The following STRN3 variants were observed in gnomAD, a reference collection of about 807,000 sequenced individuals.
The protein encoded by STRN3 is striatin-3.
STRN3 carries 29 observed loss-of-function variants against 95.6 expected under a neutral mutation model. The ratio of observed to expected loss-of-function variants is 0.30; its 90% confidence interval spans 0.23 to 0.41. The LOEUF (loss-of-function observed/expected upper bound fraction) is 0.41. STRN3 is among the 10% of genes least tolerant of loss of function. The probability of loss-of-function intolerance (pLI) is 1.00; values close to 1 mark genes in which losing one functional copy is unlikely to be tolerated. For synonymous variants in STRN3, 331 were observed against 357.6 expected, an observed-to-expected ratio of 0.93 and a Z score of 0.84; for missense variants, 890 against 972.1, an observed-to-expected ratio of 0.92 and a Z score of 1.12.
intron 16 of STRN3, among the ~76,000 whole-genome samples, chr14:30,901,454 C>T (rs1042585822): frequency 6.6e-6 from 1 of 152,236 alleles, no homozygotes; most frequent in Non-Finnish European, 1.5e-5. Flanking sequence ...CAGACTAAAA[C>T]ATATTGCCAT....
At position 31,026,087 on chromosome 14, in the gene STRN3, C is replaced by T; in HGVS notation, c.99G>A (p.Gly33=). ...CCCCGCCGCCCGCCGCTCCGTTCCCCCCGGGCGAAAGGCCCAGGTTCCCCC... is the reference window on the plus strand; with the variant it reads ...CCCCGCCGCCCGCCGCTCCGTTCCCTCCGGGCGAAAGGCCCAGGTTCCCCC... ...GPGGNLGLSP[G]GNGAAGGGGP... The change falls in exon 1 of 18, where the codon GGG becomes GGA. Residue 33 remains glycine, a synonymous_variant. Transcript: ENST00000357479. The T allele has an allele frequency of 6.5e-7, 1 of 1,529,412 alleles. No individual in the cohort carries two copies. The highest frequency in any genetic ancestry group is 8.8e-7 in the Non-Finnish European group (1 of 1,138,840). The allele number at this position is 1,529,412 out of a possible 1,614,324, so 94.7% of individuals were successfully genotyped here. A position where few individuals can be genotyped will look rare whatever the true frequency, so the allele number is the denominator to read the frequency against.
chr14:30,992,567 A>T (rs1232953245), intron 1 of STRN3, among the ~76,000 whole-genome samples: 1 of 356 alleles, frequency 2.8e-3, no homozygotes, highest in African/African-American at 0.016. Flanking sequence ...TGTCTCTTTA[A>T]AAAAAAAAAA....
intron 3 of STRN3, among the ~76,000 whole-genome samples, chr14:30,954,710 T>C (rs1418742355): frequency 2.0e-5 from 3 of 152,148 alleles, no homozygotes; most frequent in South Asian, 2.1e-4. Flanking sequence ...ACAATTTCAG[T>C]TGTGAGCAAA....
chr14:30,939,980 C>CT (rs1417651041), intron 5 of STRN3, among the ~76,000 whole-genome samples: 1 of 151,718 alleles, frequency 6.6e-6, no homozygotes, highest in African/African-American at 2.4e-5. Flanking sequence ...TACAATGACT[C>CT]TACTTCCTTT....
Position 30,970,346 on chromosome 14 carries a change from C to T in STRN3, c.283-14104G>A, listed in dbSNP as rs181120270. Reference sequence around the variant, plus strand: ...GGCCCCCCGATGTAGAGCTTTTATGCCGTAGTTGGTCCAACGTTCTGTGGA... The same window carrying T: ...GGCCCCCCGATGTAGAGCTTTTATGTCGTAGTTGGTCCAACGTTCTGTGGA... On this transcript the variant is annotated intron_variant, in intron 1 of 17. Transcript: ENST00000357479. Among the ~76,000 whole-genome samples the T allele has an allele frequency of 1.8e-4, 28 of 152,282 alleles. No individual in the cohort carries two copies. In the East Asian group the frequency reaches 5.4e-3, roughly 29 times the overall value.
At chr14:30,987,246 G>A (rs1214605681) in intron 1 of STRN3, among the ~76,000 whole-genome samples, 4 of 152,174 alleles carry the variant, frequency 2.6e-5, no homozygotes, top group Admixed American at 6.5e-5. Context: ...AGTGGCTCAC[G>A]CCTGTAATCC....
At chr14:30,968,809 GTAAT>G (rs1566464858) in intron 1 of STRN3, among the ~76,000 whole-genome samples, 1 of 151,972 alleles carries the variant, frequency 6.6e-6, no homozygotes, top group African/African-American at 2.4e-5. Flanking sequence ...TAATTTAAAA[GTAAT>G]TAAGCCTCCT....
intron 1 of STRN3, among the ~76,000 whole-genome samples, chr14:31,013,582 C>T (rs538038780): frequency 6.6e-6 from 1 of 151,944 alleles, no homozygotes; most frequent in South Asian, 2.1e-4. Flanking sequence ...TAATTTTGAA[C>T]CACATATTAC....
chr14:31,003,637 G>A (rs1238739547), intron 1 of STRN3, among the ~76,000 whole-genome samples: 2 of 152,114 alleles, frequency 1.3e-5, no homozygotes, highest in East Asian at 3.8e-4. Flanking sequence ...AGTGGAAGCA[G>A]ACTGAAGCCC....
chr14:30,951,571 T>C (rs1038369191), intron 3 of STRN3, among the ~76,000 whole-genome samples: 12 of 152,150 alleles, frequency 7.9e-5, no homozygotes, highest in Non-Finnish European at 1.3e-4. Context: ...GCTAAGTCGA[T>C]TGCCTTTGAA....
intron 8 of STRN3, among the ~76,000 whole-genome samples, chr14:30,927,451 A>G (rs1878238830): frequency 6.6e-6 from 1 of 152,106 alleles, no homozygotes; most frequent in African/African-American, 2.4e-5. Context: ...CCTCAAAAAG[A>G]TATAGGTCTA....
At chr14:30,904,787 T>A (rs1209622900) in intron 15 of STRN3, among the ~76,000 whole-genome samples, 3 of 152,078 alleles carry the variant, frequency 2.0e-5, no homozygotes, top group East Asian at 1.9e-4. Context: ...CATTTAAAAA[T>A]TTTTAAAAGA....
chr14:31,011,729 C>A (rs927943566), intron 1 of STRN3, among the ~76,000 whole-genome samples: 2 of 152,154 alleles, frequency 1.3e-5, no homozygotes, highest in African/African-American at 2.4e-5. Context: ...TAGAAAGATT[C>A]ATAAAAACAG....
chr14:30,894,240 A>G lies in STRN3; in HGVS notation c.*1171T>C, dbSNP rs1355945345. ...TAATGCAAATAAAACTTTACTCCAA[A>G]TATTTTTAAACAAGTTAGTTTTGTT... On this transcript the variant is annotated 3_prime_UTR_variant, in exon 18 of 18. Coordinates refer to ENST00000357479, the MANE Select transcript of STRN3 (RefSeq NM_001083893.2). 6.6e-6 allele frequency: 1 copy of G among 152,340 alleles called. No homozygotes were observed. The highest frequency in any genetic ancestry group is 1.9e-4 in the East Asian group (1 of 5,204). 9.4% of individuals were successfully genotyped at this position (152,340 alleles called of 1,614,324 possible).
chr14:30,931,515 T>C (rs747570308), intron 7 of STRN3, among the ~76,000 whole-genome samples: 1 of 152,224 alleles, frequency 6.6e-6, no homozygotes, highest in Non-Finnish European at 1.5e-5. Flanking sequence ...CTATTAACTG[T>C]AGCATAAATT....
intron 1 of STRN3, among the ~76,000 whole-genome samples, chr14:30,968,356 T>C (rs957209384): frequency 2.7e-5 from 4 of 146,130 alleles, no homozygotes; most frequent in African/African-American, 1.0e-4. Context: ...TATGGTAAAT[T>C]CTTGTCCTAA....
rs150320361 is a variant in STRN3 at position 30,898,776 on chromosome 14, G to A, written c.2138-3028C>T. The stretch of plus-strand genomic sequence containing the variant: ...CTAATTTTTTCCTCTTATGACTAAG[G>A]AAATAAAGGCTGGACAGATGCCACT... On this transcript the variant is annotated intron_variant, in intron 16 of 17. Coordinates refer to ENST00000357479, the MANE Select transcript of STRN3 (RefSeq NM_001083893.2). Among the ~76,000 whole-genome samples the A allele has an allele frequency of 3.1e-3, 471 of 152,238 alleles. 2 individuals carry two copies. The highest frequency in any genetic ancestry group is 0.011 in the African/African-American group (446 of 41,510).
chr14:30,969,864 T>C (rs1045176069), intron 1 of STRN3, among the ~76,000 whole-genome samples: 90 of 151,994 alleles, frequency 5.9e-4, no homozygotes, highest in African/African-American at 2.0e-3. Context: ...CACCTTCTCA[T>C]CAAAGAGTGG....
chr14:31,025,747 G>A (rs1206559257), intron 1 of STRN3, 157 bp downstream of exon 1: 1 of 1,030,486 alleles, frequency 9.7e-7, no homozygotes, highest in Non-Finnish European at 1.4e-6. Context: ...GGGACTCCAG[G>A]AAAAGCCGTT....
Sources: allele counts gnomAD v4.1 joint callset (sites outside exome capture counted in the v4.1 genomes callset), GRCh38; gene constraint gnomAD v4.1.1; transcripts MANE v1.5; gene names NCBI Gene and HGNC (gene_info 2026-07-23, HGNC 2026-07-21).